FRY: variants seen among roughly 807,000 people sequenced by gnomAD.
The protein encoded by FRY is FRY microtubule binding protein.
FRY carries 128 observed loss-of-function variants against 348.4 expected under a neutral mutation model. The observed-to-expected ratio is 0.37, with a 90% CI of 0.32 to 0.43. The LOEUF (loss-of-function observed/expected upper bound fraction) is 0.43. FRY is among the 20% of genes least tolerant of loss of function. The probability of loss-of-function intolerance (pLI) is 1.00; values close to 1 mark genes in which losing one functional copy is unlikely to be tolerated. For missense variants in FRY, 2,736 were observed against 3,695.2 expected (o/e 0.74, Z 6.73); for synonymous variants, 1,370 against 1,374.7 (o/e 1.00, Z 0.08).
chr13:32,256,036 A>G (rs1887316298), intron 51 of FRY, among the ~76,000 whole-genome samples: 1 of 152,206 alleles, frequency 6.6e-6, no homozygotes, highest in Admixed American at 6.5e-5. Flanking sequence ...ACAATTTCAG[A>G]ACAGCTCACA....
At chr13:32,265,393 T>C in intron 53 of FRY, 57 bp from the exon 54 acceptor site, 1 of 1,518,844 alleles carries the variant, frequency 6.6e-7, no homozygotes, top group Non-Finnish European at 9.1e-7. Context: ...GTTGAACAGG[T>C]TGTCCTGTAT....
At chr13:32,078,693 C>T in intron 1 of FRY, 141 bp from the exon 2 acceptor site, 1 of 737,810 alleles carries the variant, frequency 1.4e-6, no homozygotes, top group East Asian at 2.5e-5. Context: ...GACACCATTT[C>T]CAAAGAATAA....
chr13:32,082,080 A>T (rs960238496), intron 2 of FRY, among the ~76,000 whole-genome samples: 1 of 152,172 alleles, frequency 6.6e-6, no homozygotes, highest in Non-Finnish European at 1.5e-5. Context: ...ACTACTCAGG[A>T]ATCTGTATTT....
At chr13:32,070,477 G>A (rs1427877473) in intron 1 of FRY, among the ~76,000 whole-genome samples, 1 of 151,796 alleles carries the variant, frequency 6.6e-6, no homozygotes, top group East Asian at 1.9e-4. Context: ...GTGATGATGA[G>A]CATTTTTTCA....
rs563570493 is a variant in FRY at position 32,064,308 on chromosome 13, A to G, written c.71-14526A>G. 2.6e-5 allele frequency among the ~76,000 whole-genome samples: 4 copies of G among 152,062 alleles called. No homozygotes were observed. The South Asian group carries it at 8.3e-4, about 32-fold the overall frequency. ...CTGCCCCAGTTCTCTTCCACTTTGA[A>G]GGTTTCCCTGACTGTCTCTATCAAC... is the stretch of plus-strand genomic sequence containing the variant. On this transcript the variant is annotated intron_variant, in intron 1 of 60. Transcript: ENST00000542859.
chr13:32,144,035 G>A lies in FRY; in HGVS notation c.1180-3247G>A, dbSNP rs1014999940. On this transcript the variant is annotated intron_variant, in intron 11 of 60. Transcript: ENST00000542859. ...TGTGGAGTCTGCTTTTAACCACCAT[G>A]TAAGTACACCATAGGCATTTGCTGA... Among the ~76,000 whole-genome samples the A allele has an allele frequency of 7.2e-5, 11 of 152,212 alleles. No homozygotes were observed. In the South Asian group the frequency reaches 2.1e-3, roughly 29 times the overall value.
At chr13:32,246,100 T>C (rs2138489656) in intron 47 of FRY, among the ~76,000 whole-genome samples, 1 of 152,356 alleles carries the variant, frequency 6.6e-6, no homozygotes, top group South Asian at 2.1e-4. Flanking sequence ...TTTCTACGAA[T>C]GTGTGCCCCA....
chr13:32,292,630 A>G (rs1201715301), intron 59 of FRY, among the ~76,000 whole-genome samples: 2 of 151,106 alleles, frequency 1.3e-5, no homozygotes, highest in Non-Finnish European at 3.0e-5. Context: ...TGCCTCTACT[A>G]AAATACAAAA....
intron 36 of FRY, among the ~76,000 whole-genome samples, chr13:32,222,450 G>C (rs1040977101): frequency 6.6e-6 from 1 of 152,168 alleles, no homozygotes; most frequent in Non-Finnish European, 1.5e-5. Flanking sequence ...GACCTCAAGT[G>C]ATCTACCCGC....
chr13:32,059,191 C>A (rs1252401544), intron 1 of FRY, among the ~76,000 whole-genome samples: 1 of 150,964 alleles, frequency 6.6e-6, no homozygotes, highest in Non-Finnish European at 1.5e-5. Context: ...TTTCATATTC[C>A]TACAAGGCTG....
In FRY at chr13:32,160,997, G is replaced by A. The variant is rs1881411821; in HGVS notation, c.1785-147G>A. ...ATTAGAACTGGTCAAGCTACAAAGG[G>A]CATAAACATTTGAGAGTAATATGGA... On this transcript the variant is annotated intron_variant, in intron 16 of 60. Transcript: ENST00000542859. The A allele has an allele frequency of 6.1e-6, 4 of 659,144 alleles. No individual in the cohort carries two copies. In the South Asian group the frequency reaches 6.9e-5, roughly 11 times the overall value. The allele number at this position is 659,144 out of a possible 1,614,324, so 40.8% of individuals were successfully genotyped here.
At position 32,147,359 on chromosome 13, in the gene FRY, A is replaced by G. The variant is rs562038128; in HGVS notation, c.1257A>G (p.Lys419=). 6.2e-7 allele frequency: 1 copy of G among 1,607,548 alleles called. No homozygotes were observed. Among genetic ancestry groups the G allele is most frequent in the South Asian group, 1.1e-5 (1 of 90,944 alleles). ...RLLWVYMIRI[K]CESNTATQSR... is the part of the protein sequence containing the mutation. ...TTTGGGTTTACATGATTCGAATTAA[A>G]TGTGAAAGCAACACAGCTACTCAGA... is the stretch of plus-strand genomic sequence containing the variant. Residue 419 remains lysine, a synonymous_variant, in exon 12 of 61, where the codon AAA becomes AAG. Transcript: ENST00000542859.
intron 11 of FRY, among the ~76,000 whole-genome samples, chr13:32,139,796 T>C (rs1292559913): frequency 6.6e-6 from 1 of 152,198 alleles, no homozygotes; most frequent in Non-Finnish European, 1.5e-5. Flanking sequence ...TGTCAGAATC[T>C]GAACATATTG....
At chr13:32,128,950 A>G (rs544728011) in intron 7 of FRY, among the ~76,000 whole-genome samples, 1 of 152,310 alleles carries the variant, frequency 6.6e-6, no homozygotes, top group South Asian at 2.1e-4. Flanking sequence ...ACAGAAATTT[A>G]TTTCCCACAG....
In FRY at chr13:32,285,558, TCTGC is replaced by T. The variant is rs1369723214; in HGVS notation, c.8470-4072_8470-4069del. Among the ~76,000 whole-genome samples the T allele has an allele frequency of 7.9e-5, 12 of 152,250 alleles. No homozygotes were observed. The South Asian group carries it at 8.3e-4, about 10-fold the overall frequency. ...ACCAAGCTGGAGTCGAAAAGTTTCCTCTGCCTTTATTGAACAGAAAAGATTTTAC... is the reference window on the plus strand; with the variant it reads ...ACCAAGCTGGAGTCGAAAAGTTTCCTCTTTATTGAACAGAAAAGATTTTAC... On this transcript the variant is annotated intron_variant, in intron 58 of 60. Transcript: ENST00000542859.
At chr13:32,236,655 T>C (rs1221934771) in intron 43 of FRY, among the ~76,000 whole-genome samples, 1 of 152,174 alleles carries the variant, frequency 6.6e-6, no homozygotes, top group African/African-American at 2.4e-5. Flanking sequence ...CTCCTGCCAA[T>C]GTTTAATAAT....
chr13:32,276,951 G>A (rs1260952056), intron 57 of FRY, among the ~76,000 whole-genome samples: 2 of 152,184 alleles, frequency 1.3e-5, no homozygotes, highest in African/African-American at 4.8e-5. Context: ...AGCCACTCTT[G>A]GAGGCTGCGT....
In FRY at chr13:32,276,516, A is replaced by G; in HGVS notation, c.8339A>G (p.Gln2780Arg). 2 of 1,607,422 alleles carry G rather than the reference A, an allele frequency of 1.2e-6. No individual in the cohort carries two copies. Among genetic ancestry groups the G allele is most frequent in the Non-Finnish European group, 1.7e-6 (2 of 1,173,878 alleles). The change falls in exon 57 of 61, where the codon CAA becomes CGA. Residue 2780 changes from glutamine (Q) to arginine (R), a missense_variant. Physicochemically the swap from Gln to Arg is conservative, Grantham distance 43 (BLOSUM62 1). Coordinates refer to ENST00000542859, the MANE Select transcript of FRY (RefSeq NM_023037.3). The part of the protein sequence containing the change: ...DKLKFSVLEL[Q>R]EYLDTYNNRK... ...CTCAAGTTCAGTGTGTTAGAACTGC[A>G]AGAATATTTGGATACCTACAACAAC...
Position 32,294,447 on chromosome 13 carries a change from T to C in FRY, c.8660T>C (p.Leu2887Pro). Residue 2887 changes from leucine (L) to proline (P), a missense_variant, in exon 60 of 61, where the codon CTC becomes CCC. Leu to Pro is a moderately conservative substitution (Grantham distance 98). This residue lies in a region of FRY where 157 missense variants were observed against 215.2 expected (regional missense o/e 0.73). Transcript: ENST00000542859. ...AGTGCAGTCATTGCAGCTGACCCTC[T>C]CTATTCAGACGGCGCGTGGTCCGAG... is the stretch of plus-strand genomic sequence containing the variant. Reference protein sequence around the residue: ...EASAVIAADPLYSDGAWSEPT... With the variant: ...EASAVIAADPPYSDGAWSEPT... 6.2e-7 allele frequency: 1 copy of C among 1,614,084 alleles called. No homozygotes were observed. Among genetic ancestry groups the C allele is most frequent in the Non-Finnish European group, 8.5e-7 (1 of 1,179,952 alleles).
Sources: allele counts gnomAD v4.1 joint callset (sites outside exome capture counted in the v4.1 genomes callset), GRCh38; gene constraint gnomAD v4.1.1; regional missense constraint gnomAD v4.1.1; transcripts MANE v1.5; gene names NCBI Gene and HGNC (gene_info 2026-07-23, HGNC 2026-07-21).